Variants in PRKG2 observed in about 807,000 individuals in gnomAD.
The protein encoded by PRKG2 is protein kinase cGMP-dependent 2, also known as cGMP-dependent protein kinase 2.
In PRKG2, 33 loss-of-function variants were observed where a neutral mutation model predicts 97.2. The observed-to-expected ratio is 0.34, with a 90% CI of 0.26 to 0.45. The LOEUF (loss-of-function observed/expected upper bound fraction) is 0.45. Ranked by LOEUF, PRKG2 falls within the 20% of genes least tolerant of loss-of-function variation. The probability of loss-of-function intolerance (pLI) is 1.00; values close to 1 mark genes in which losing one functional copy is unlikely to be tolerated. For synonymous variants in PRKG2, 330 were observed against 321.8 expected (o/e 1.03, Z -0.27); for missense variants, 638 against 900.0 (o/e 0.71, Z 3.73).
At chr4:81,094,074 T>C (rs984508755) in intron 17 of PRKG2, among the ~76,000 whole-genome samples, 12 of 152,218 alleles carry the variant, frequency 7.9e-5, no homozygotes, top group African/African-American at 2.9e-4. Flanking sequence ...GTGCAGTAAG[T>C]AAAGCAAAGT....
chr4:81,183,560 C>T (rs985636882), intron 2 of PRKG2, among the ~76,000 whole-genome samples: 4 of 152,160 alleles, frequency 2.6e-5, no homozygotes, highest in South Asian at 2.1e-4. Context: ...CAAAACTGGG[C>T]GGCCATTTGG....
At chr4:81,105,790 G>A (rs1743262348) in intron 16 of PRKG2, 23 bp downstream of exon 16, 4 of 1,612,596 alleles carry the variant, frequency 2.5e-6, no homozygotes, top group Non-Finnish European at 3.4e-6. Context: ...TCAAGACAAG[G>A]GGTTACTGAC....
intron 15 of PRKG2, among the ~76,000 whole-genome samples, chr4:81,106,264 G>C (rs1163133871): frequency 6.6e-6 from 1 of 152,152 alleles, no homozygotes; most frequent in African/African-American, 2.4e-5. Flanking sequence ...GCTGACAATT[G>C]TGCAGACGTA....
chr4:81,202,849 A>G (rs1022001949), intron 2 of PRKG2, among the ~76,000 whole-genome samples: 2 of 152,120 alleles, frequency 1.3e-5, no homozygotes, highest in African/African-American at 4.8e-5. Context: ...CAAGATGAGC[A>G]TAAGTCTTTG....
chr4:81,145,453 T>C (rs181052042), intron 9 of PRKG2, among the ~76,000 whole-genome samples: 6 of 152,260 alleles, frequency 3.9e-5, no homozygotes, highest in Non-Finnish European at 8.8e-5. Flanking sequence ...CCTTCATAAT[T>C]AAATCCAAAT....
chr4:81,206,121 G>A (rs1431250187), intron 1 of PRKG2, among the ~76,000 whole-genome samples: 4 of 152,184 alleles, frequency 2.6e-5, no homozygotes, highest in Non-Finnish European at 5.9e-5. Flanking sequence ...AAGCACACAC[G>A]AGCAGACTCA....
At chr4:81,206,554 T>C (rs968111263) in intron 1 of PRKG2, among the ~76,000 whole-genome samples, 2 of 152,146 alleles carry the variant, frequency 1.3e-5, no homozygotes, top group African/African-American at 4.8e-5. Context: ...ATGTCTTTAT[T>C]ATAATAGCAA....
intron 2 of PRKG2, among the ~76,000 whole-genome samples, chr4:81,204,075 T>A (rs112801412): frequency 6.6e-6 from 1 of 152,202 alleles, no homozygotes; most frequent in Non-Finnish European, 1.5e-5. Flanking sequence ...TCTGTTTCTA[T>A]TCACTGAGGC....
intron 1 of PRKG2, among the ~76,000 whole-genome samples, chr4:81,209,007 C>T (rs760772946): frequency 5.9e-5 from 9 of 152,182 alleles, no homozygotes; most frequent in Non-Finnish European, 1.2e-4. Flanking sequence ...CAACCAAAAA[C>T]CATAGTTCAC....
rs1741233575 is a variant in PRKG2 at position 81,087,773 on chromosome 4, A to G, written c.*1935T>C. On this transcript the variant is annotated 3_prime_UTR_variant, in exon 19 of 19. Transcript: ENST00000264399. ...TTTCTTCATCTTTTAAAGTACTCTA[A>G]GGAAACAATAAAAAATCACATGGGA... is the stretch of plus-strand genomic sequence containing the variant. 6.6e-6 allele frequency: 1 copy of G among 152,174 alleles called. No individual in the cohort carries two copies. The highest frequency in any genetic ancestry group is 2.4e-5 in the African/African-American group (1 of 41,450). 9.4% of individuals were successfully genotyped at this position (152,174 alleles called of 1,614,324 possible).
Position 81,144,221 on chromosome 4 carries a change from C to G in PRKG2, c.1253+11G>C. The G allele has an allele frequency of 3.1e-6, 5 of 1,591,500 alleles. No individual in the cohort carries two copies. The highest frequency in any genetic ancestry group is 4.3e-6 in the Non-Finnish European group (5 of 1,159,694). ...GTCAGCTCCGGCTCAGGAAAACATT[C>G]CTCCACTTACTTCGCATGTCTTTTT... On this transcript the variant is annotated intron_variant, in intron 10 of 18. Transcript: ENST00000264399.
At chr4:81,182,094 G>A (rs562723742) in intron 2 of PRKG2, among the ~76,000 whole-genome samples, 4 of 151,686 alleles carry the variant, frequency 2.6e-5, no homozygotes, top group South Asian at 2.1e-4. Flanking sequence ...CAGGAAAGAC[G>A]AATTTTTCCC....
chr4:81,215,927 A>G (rs1754255104), upstream of PRKG2, among the ~76,000 whole-genome samples: 1 of 151,754 alleles, frequency 6.6e-6, no homozygotes, highest in African/African-American at 2.4e-5. Flanking sequence ...TCCTAAATAT[A>G]TATGTACACC....
intron 2 of PRKG2, among the ~76,000 whole-genome samples, chr4:81,196,760 C>CA (rs963074777): frequency 6.6e-6 from 1 of 151,338 alleles, no homozygotes; most frequent in African/African-American, 2.4e-5. Context: ...CTATAGATCT[C>CA]AAAAAAGAAA....
At chr4:81,208,853 A>C (rs370225157) in intron 1 of PRKG2, among the ~76,000 whole-genome samples, 2 of 152,200 alleles carry the variant, frequency 1.3e-5, no homozygotes, top group South Asian at 2.1e-4. Context: ...ACAAAAAAAG[A>C]ATTATGAATG....
chr4:81,187,020 A>G (rs1751941637), intron 2 of PRKG2, among the ~76,000 whole-genome samples: 1 of 152,122 alleles, frequency 6.6e-6, no homozygotes, highest in Non-Finnish European at 1.5e-5. Flanking sequence ...AACCAGACAG[A>G]TTCACAGCGA....
chr4:81,149,652 T>C (rs1052047372), intron 8 of PRKG2, among the ~76,000 whole-genome samples: 2 of 152,148 alleles, frequency 1.3e-5, no homozygotes, highest in African/African-American at 4.8e-5. Context: ...TCAGGTAAAG[T>C]ACTTCTTTAC....
chr4:81,194,894 T>C (rs1318572327), intron 2 of PRKG2, among the ~76,000 whole-genome samples: 1 of 151,180 alleles, frequency 6.6e-6, no homozygotes. Flanking sequence ...TGGCTTCATA[T>C]GAGAATCAGC....
intron 17 of PRKG2, among the ~76,000 whole-genome samples, chr4:81,101,445 T>C (rs1007359401): frequency 3.3e-5 from 5 of 151,796 alleles, no homozygotes; most frequent in African/African-American, 1.2e-4. Context: ...AAACCATCAT[T>C]CTCAGCAAAC....
Sources: gnomAD v4.1 joint callset for allele counts (sites outside exome capture counted in the v4.1 genomes callset) on GRCh38, gnomAD v4.1.1 for gene constraint, MANE v1.5 for transcripts, NCBI Gene and HGNC (gene_info 2026-07-23, HGNC 2026-07-21) for gene names.